Variants in NIM1K observed in about 807,000 individuals in gnomAD.
NIM1K encodes the protein serine/threonine-protein kinase NIM1.
Under a neutral mutation model 37.1 loss-of-function variants are expected in NIM1K, and 35 were observed. That is an observed-to-expected ratio of 0.94 (90% CI 0.72 to 1.25). The LOEUF (loss-of-function observed/expected upper bound fraction) is 1.25. NIM1K is among the 50% of genes most tolerant of loss of function. The probability of loss-of-function intolerance (pLI) is 0.00; values close to 1 mark genes in which losing one functional copy is unlikely to be tolerated. For missense variants in NIM1K, 564 were observed against 548.0 expected (o/e 1.03, Z -0.29); for synonymous variants, 234 against 206.6 (o/e 1.13, Z -1.14).
At chr5:43,228,227 AC>A (rs1752487820) in intron 1 of NIM1K, among the ~76,000 whole-genome samples, 1 of 151,754 alleles carries the variant, frequency 6.6e-6, no homozygotes, top group Non-Finnish European at 1.5e-5. Flanking sequence ...GCTCACTGCA[AC>A]CTCTGCCTCC....
intron 2 of NIM1K, among the ~76,000 whole-genome samples, chr5:43,266,891 G>C (rs747927217): frequency 6.6e-6 from 1 of 152,178 alleles, no homozygotes; most frequent in Non-Finnish European, 1.5e-5. Context: ...ATGTTCATCA[G>C]GAATATTGAT....
chr5:43,276,877 A>G (rs1055580857), intron 2 of NIM1K, among the ~76,000 whole-genome samples, 180 bp from the exon 3 acceptor site: 2 of 152,142 alleles, frequency 1.3e-5, no homozygotes, highest in Non-Finnish European at 2.9e-5. Flanking sequence ...ACTCACACCG[A>G]TCCAAGGGAA....
chr5:43,246,017 G>C lies in NIM1K; in HGVS notation c.242G>C (p.Gly81Ala), dbSNP rs1050197257. 6.2e-7 allele frequency: 1 copy of C among 1,614,064 alleles called. No homozygotes were observed. The change falls in exon 2 of 4, where the codon GGA (glycine) becomes GCA (alanine). Residue 81 changes from glycine to alanine, a missense_variant. Transcript: ENST00000326035. ...IGFYRIRGEI[G>A]SGNFSQVKLG... Reference sequence around the variant, plus strand: ...TTCTACCGAATTCGAGGGGAAATCGGAAGTGGAAACTTCTCCCAAGTGAAG... The same window carrying C: ...TTCTACCGAATTCGAGGGGAAATCGCAAGTGGAAACTTCTCCCAAGTGAAG...
At chr5:43,246,156 T>TA (rs1285720528) in intron 2 of NIM1K, 89 bp downstream of exon 2, 7 of 1,171,876 alleles carry the variant, frequency 6.0e-6, no homozygotes, top group Middle Eastern at 5.3e-4. Context: ...AGGAAGCAAG[T>TA]AAAGTGACCT....
At chr5:43,249,376 G>T (rs1752835064) in intron 2 of NIM1K, among the ~76,000 whole-genome samples, 1 of 152,090 alleles carries the variant, frequency 6.6e-6, no homozygotes, top group Non-Finnish European at 1.5e-5. Flanking sequence ...CCCTTACTCA[G>T]TCTTTTTGTT....
chr5:43,206,802 CAG>C, intron 1 of NIM1K: 1 of 768,334 alleles, frequency 1.3e-6, no homozygotes, highest in Non-Finnish European at 2.4e-6. Flanking sequence ...TTTCCAGGAT[CAG>C]GGGATGGTGG....
chr5:43,270,348 A>C (rs1753237294), intron 2 of NIM1K, among the ~76,000 whole-genome samples: 2 of 152,334 alleles, frequency 1.3e-5, no homozygotes, highest in South Asian at 4.1e-4. Context: ...GATGGAATCT[A>C]TTCAACATGT....
At chr5:43,276,992 G>A (rs552581797) in intron 2 of NIM1K, 65 bp from the exon 3 acceptor site, 134 of 1,498,816 alleles carry the variant, frequency 8.9e-5, no homozygotes, top group Non-Finnish European at 1.1e-4. Flanking sequence ...GCTGATCCAG[G>A]TCCTCTCCAG....
intron 1 of NIM1K, among the ~76,000 whole-genome samples, chr5:43,209,916 C>T (rs547084571): frequency 7.9e-5 from 12 of 152,288 alleles, no homozygotes; most frequent in African/African-American, 2.6e-4. Context: ...CACCCGGCCC[C>T]GTGCTACCTT....
intron 1 of NIM1K, among the ~76,000 whole-genome samples, chr5:43,236,655 T>A (rs1294106464): frequency 2.0e-5 from 3 of 152,174 alleles, no homozygotes; most frequent in Admixed American, 2.0e-4. Context: ...TCCTGCACTG[T>A]TCTAGGCGTT....
At chr5:43,266,760 C>A (rs553399275) in intron 2 of NIM1K, among the ~76,000 whole-genome samples, 2 of 152,202 alleles carry the variant, frequency 1.3e-5, no homozygotes, top group African/African-American at 4.8e-5. Flanking sequence ...TCCCCCCTGA[C>A]TTGCGTATGT....
intron 1 of NIM1K, among the ~76,000 whole-genome samples, chr5:43,196,041 C>G (rs138801056): frequency 1.3e-5 from 2 of 152,200 alleles, no homozygotes; most frequent in East Asian, 1.9e-4. Flanking sequence ...ACTTGGGAGG[C>G]CTTAGCGGCA....
intron 1 of NIM1K, among the ~76,000 whole-genome samples, chr5:43,199,032 T>C (rs1164746094): frequency 6.6e-6 from 1 of 150,896 alleles, no homozygotes; most frequent in African/African-American, 2.4e-5. Context: ...CTACTAAAAA[T>C]ACAAAATTAG....
intron 1 of NIM1K, among the ~76,000 whole-genome samples, chr5:43,195,787 G>A (rs1751904471): frequency 6.6e-6 from 1 of 152,108 alleles, no homozygotes; most frequent in African/African-American, 2.4e-5. Context: ...TTCAGGGCAT[G>A]GATAGCGGGA....
At chr5:43,255,994 G>A (rs1752940133) in intron 2 of NIM1K, among the ~76,000 whole-genome samples, 1 of 151,928 alleles carries the variant, frequency 6.6e-6, no homozygotes, top group African/African-American at 2.4e-5. Context: ...AGGGCAGAGA[G>A]TAACAGGGAA....
intron 1 of NIM1K, among the ~76,000 whole-genome samples, chr5:43,202,385 G>T (rs906837407): frequency 1.3e-5 from 2 of 152,092 alleles, no homozygotes; most frequent in Non-Finnish European, 2.9e-5. Context: ...ATTCTGTTAG[G>T]CTGGTTGGTG....
intron 2 of NIM1K, among the ~76,000 whole-genome samples, chr5:43,250,297 C>G (rs955787554): frequency 5.3e-5 from 8 of 152,068 alleles, no homozygotes; most frequent in African/African-American, 1.9e-4. Flanking sequence ...ATACTCTCAT[C>G]TTTTAAAGAG....
chr5:43,196,495 T>C (rs1405920915), intron 1 of NIM1K, among the ~76,000 whole-genome samples: 4 of 147,310 alleles, frequency 2.7e-5, no homozygotes, highest in Admixed American at 6.8e-5. Flanking sequence ...ATTAGCCAGG[T>C]GTGGTGGTGG....
intron 2 of NIM1K, among the ~76,000 whole-genome samples, chr5:43,265,661 G>A (rs1306122412): frequency 6.6e-6 from 1 of 152,140 alleles, no homozygotes; most frequent in African/African-American, 2.4e-5. Context: ...TTGTTCTATG[G>A]CTGGCAAGGA....
Sources: allele counts gnomAD v4.1 joint callset (sites outside exome capture counted in the v4.1 genomes callset), GRCh38; gene constraint gnomAD v4.1.1; transcripts MANE v1.5; gene names NCBI Gene and HGNC (gene_info 2026-07-23, HGNC 2026-07-21).